The following SSH2 variants were observed in gnomAD, a reference collection of about 807,000 sequenced individuals.
The protein encoded by SSH2 is protein phosphatase Slingshot homolog 2.
SSH2 carries 37 observed loss-of-function variants against 135.2 expected under a neutral mutation model. The ratio of observed to expected loss-of-function variants is 0.27; its 90% CI spans 0.21 to 0.36. The LOEUF (loss-of-function observed/expected upper bound fraction) is 0.36, where lower values mean the gene tolerates loss of function less well. Among genes scored for constraint, SSH2 ranks in the 10% least tolerant of loss-of-function variants. The pLI is 1.00. For missense variants in SSH2, 1,408 were observed against 1,765.3 expected (o/e 0.80, Z 3.63); for synonymous variants, 628 against 646.2 (o/e 0.97, Z 0.43).
chr17:29,887,603 TG>T (rs2066263132), intron 1 of SSH2, among the ~76,000 whole-genome samples: 1 of 152,064 alleles, frequency 6.6e-6, no homozygotes, highest in Admixed American at 6.6e-5. Flanking sequence ...CTTCAGAGGG[TG>T]GTTGTCAGGA....
At chr17:29,860,370 T>C (rs778536646) in intron 1 of SSH2, among the ~76,000 whole-genome samples, 8 of 152,210 alleles carry the variant, frequency 5.3e-5, no homozygotes, top group Admixed American at 1.3e-4. Context: ...TGTTGAGCTT[T>C]TTTTCATATG....
In SSH2 at chr17:29,746,529, CAGAGTG is replaced by C. The variant is rs1177527690; in HGVS notation, c.189-43473_189-43468del. Among the ~76,000 whole-genome samples, 9 of 107,466 alleles carry C rather than the reference CAGAGTG, an allele frequency of 8.4e-5. No homozygotes were observed. In the East Asian group the frequency reaches 2.5e-3, roughly 30 times the overall value. 70.5% of individuals were successfully genotyped at this position (107,466 alleles called of 152,430 possible). The stretch of plus-strand genomic sequence containing the variant: ...TACCACTGCACTCCAGCCTGGGCGA[CAGAGTG>C]AGACTCTGTCTCAAAAAAAAAAAAA... On this transcript the variant is annotated intron_variant, in intron 3 of 15. Coordinates refer to ENST00000540801, the MANE Select transcript of SSH2 (RefSeq NM_001282129.2).
chr17:29,884,962 T>A (rs2151436662), intron 1 of SSH2, among the ~76,000 whole-genome samples: 1 of 152,336 alleles, frequency 6.6e-6, no homozygotes, highest in South Asian at 2.1e-4. Flanking sequence ...TACCTGTGGA[T>A]GCTTGTAAAG....
intron 3 of SSH2, among the ~76,000 whole-genome samples, chr17:29,768,638 TTTAC>T (rs1390572191): frequency 6.6e-6 from 1 of 152,204 alleles, no homozygotes; most frequent in African/African-American, 2.4e-5. Flanking sequence ...TTTAAAATTA[TTTAC>T]TTCTAATTTA....
At chr17:29,889,251 A>G (rs1249702987) in intron 1 of SSH2, among the ~76,000 whole-genome samples, 1 of 152,118 alleles carries the variant, frequency 6.6e-6, no homozygotes, top group Non-Finnish European at 1.5e-5. Context: ...ATTTGAAACC[A>G]GCCTGGCCAA....
chr17:29,659,033 T>C (rs1260134811), intron 11 of SSH2, among the ~76,000 whole-genome samples: 1 of 152,166 alleles, frequency 6.6e-6, no homozygotes, highest in Non-Finnish European at 1.5e-5. Context: ...TTACCAATTC[T>C]TACTAATATG....
At chr17:29,673,492 C>T (rs1298475219) in intron 8 of SSH2, among the ~76,000 whole-genome samples, 1 of 151,902 alleles carries the variant, frequency 6.6e-6, no homozygotes, top group Non-Finnish European at 1.5e-5. Context: ...ATCGCTTGAA[C>T]CTGGGAGACG....
chr17:29,893,280 A>G (rs1191650418), intron 1 of SSH2, among the ~76,000 whole-genome samples: 2 of 149,820 alleles, frequency 1.3e-5, no homozygotes, highest in Non-Finnish European at 3.0e-5. Context: ...TGTCAATGGA[A>G]TTTAGGCAAA....
intron 6 of SSH2, among the ~76,000 whole-genome samples, chr17:29,681,080 C>T (rs1047553246): frequency 5.3e-5 from 8 of 151,738 alleles, no homozygotes; most frequent in Admixed American, 3.9e-4. Context: ...GGGCGTGGTG[C>T]CTGTAATCCC....
At chr17:29,898,753 A>C (rs1037987371) in intron 1 of SSH2, among the ~76,000 whole-genome samples, 4 of 152,196 alleles carry the variant, frequency 2.6e-5, no homozygotes, top group Admixed American at 6.5e-5. Flanking sequence ...CAATAGAAAA[A>C]GAGGGAATTC....
At chr17:29,929,493 A>G (rs949552792) in intron 1 of SSH2, among the ~76,000 whole-genome samples, 3 of 152,098 alleles carry the variant, frequency 2.0e-5, no homozygotes, top group Non-Finnish European at 4.4e-5. Context: ...GCGAGTACGA[A>G]GAAGGGTGTG....
intron 8 of SSH2, chr17:29,673,943 C>T: frequency 4.7e-5 from 14 of 297,316 alleles, no homozygotes; most frequent in South Asian, 9.0e-5. Flanking sequence ...TTATTTTTTG[C>T]TATTATTAGA....
chr17:29,869,867 G>A (rs1282386847), intron 1 of SSH2, among the ~76,000 whole-genome samples: 1 of 152,126 alleles, frequency 6.6e-6, no homozygotes, highest in Non-Finnish European at 1.5e-5. Context: ...TCTCCTCATA[G>A]GCAGTAGGAA....
intron 3 of SSH2, among the ~76,000 whole-genome samples, chr17:29,740,071 C>T (rs143582941): frequency 6.6e-6 from 1 of 152,148 alleles, no homozygotes; most frequent in African/African-American, 2.4e-5. Context: ...GGATTGACCT[C>T]GCAGTATCTG....
At chr17:29,691,321 G>T (rs1418617183) in intron 5 of SSH2, among the ~76,000 whole-genome samples, 1 of 152,130 alleles carries the variant, frequency 6.6e-6, no homozygotes, top group Non-Finnish European at 1.5e-5. Flanking sequence ...TAATTTCTCA[G>T]ATTAATGTTT....
chr17:29,727,992 C>G (rs1037538481), intron 3 of SSH2, among the ~76,000 whole-genome samples: 1 of 152,124 alleles, frequency 6.6e-6, no homozygotes, highest in South Asian at 2.1e-4. Flanking sequence ...ACAAGCCTGG[C>G]CAACATGGCG....
chr17:29,743,966 C>G (rs1448576317), intron 3 of SSH2, among the ~76,000 whole-genome samples: 1 of 136,064 alleles, frequency 7.3e-6, no homozygotes, highest in African/African-American at 2.8e-5. Context: ...TCCATTGGAG[C>G]CTGAGTCGGA....
At chr17:29,732,892 A>G (rs116196192) in intron 3 of SSH2, among the ~76,000 whole-genome samples, 2,045 of 152,308 alleles carry the variant, frequency 0.013, 56 homozygotes, top group African/African-American at 0.047. Flanking sequence ...TGGTACAGTC[A>G]TGCCTAAAGC....
rs572032283 is a variant in SSH2 at position 29,685,415 on chromosome 17, T to C, written c.358-731A>G. 5.3e-5 allele frequency among the ~76,000 whole-genome samples: 8 copies of C among 152,296 alleles called. No individual in the cohort carries two copies. The East Asian group carries it at 1.5e-3, about 29-fold the overall frequency. ...ATGACATGGTTTCTGAGTTTTACTT[T>C]AAAATGTTCCAACAAAAAAATTTAA... is the stretch of plus-strand genomic sequence containing the variant. On this transcript the variant is annotated intron_variant, in intron 5 of 15. Transcript: ENST00000540801.
Sources: gnomAD v4.1 joint callset for allele counts (sites outside exome capture counted in the v4.1 genomes callset) on GRCh38, gnomAD v4.1.1 for gene constraint, MANE v1.5 for transcripts, NCBI Gene and HGNC (gene_info 2026-07-23, HGNC 2026-07-21) for gene names.